Variants in CDH20 observed in about 807,000 individuals in gnomAD.
CDH20 encodes cadherin 20.
CDH20 carries 29 observed loss-of-function variants against 74.2 expected under a neutral mutation model. The ratio of observed to expected loss-of-function variants is 0.39; its 90% CI spans 0.29 to 0.53. CDH20 has a LOEUF of 0.53. Among genes scored for constraint, CDH20 ranks in the 20% least tolerant of loss-of-function variants. The pLI, the probability that CDH20 is intolerant of heterozygous loss-of-function variation, is 0.69. For synonymous variants in CDH20, 469 were observed against 405.4 expected (o/e 1.16, Z -1.88); for missense variants, 988 against 1,048.3 (o/e 0.94, Z 0.79).
intron 1 of CDH20, among the ~76,000 whole-genome samples, chr18:61,367,585 C>G (rs1910902997): frequency 6.6e-6 from 1 of 152,144 alleles, no homozygotes; most frequent in Admixed American, 6.5e-5. Flanking sequence ...TTCCTTGGCT[C>G]ATGGTCCCTT....
At chr18:61,407,442 C>T (rs1288834245) in intron 1 of CDH20, among the ~76,000 whole-genome samples, 1 of 152,128 alleles carries the variant, frequency 6.6e-6, no homozygotes, top group East Asian at 1.9e-4. Flanking sequence ...GAAGTCCTTC[C>T]TTCTATTTTC....
At chr18:61,496,614 C>T (rs1363047356) in intron 2 of CDH20, among the ~76,000 whole-genome samples, 1 of 152,126 alleles carries the variant, frequency 6.6e-6, no homozygotes, top group Non-Finnish European at 1.5e-5. Flanking sequence ...CTGTCGCTGT[C>T]GTTTCTTAAA....
At chr18:61,539,567 G>A (rs923036309) in intron 9 of CDH20, among the ~76,000 whole-genome samples, 2 of 152,194 alleles carry the variant, frequency 1.3e-5, no homozygotes, top group African/African-American at 4.8e-5. Flanking sequence ...AAACTGAATT[G>A]TGTAGCACCC....
rs191706524 is a variant in CDH20 at position 61,416,760 on chromosome 18, C to T, written c.-152-73642C>T. 2.6e-5 allele frequency among the ~76,000 whole-genome samples: 4 copies of T among 152,304 alleles called. No individual in the cohort carries two copies. In the East Asian group the frequency reaches 5.8e-4, roughly 22 times the overall value. On this transcript the variant is annotated intron_variant, in intron 1 of 11. Transcript: ENST00000262717. ...AAGGCTAGGCCTTACAGCCTTTTAGCTGGTACACTGCCACTACCAATAATG... is the reference window on the plus strand; with the variant it reads ...AAGGCTAGGCCTTACAGCCTTTTAGTTGGTACACTGCCACTACCAATAATG...
chr18:61,353,620 T>G lies in CDH20; in HGVS notation c.-153+19793T>G, dbSNP rs78942264. On this transcript the variant is annotated intron_variant, in intron 1 of 11. Coordinates refer to ENST00000262717, the MANE Select transcript of CDH20 (RefSeq NM_031891.4). This position sits in a 1 kb window ranked among gnomAD's most constrained non-coding sequence, Gnocchi z 4.6. ...TTTGTTAAGATTTTGTTCAGTTAAATTTAATGGACCCTCAAATGTAACGGA... is the reference window on the plus strand; with the variant it reads ...TTTGTTAAGATTTTGTTCAGTTAAAGTTAATGGACCCTCAAATGTAACGGA... Among the ~76,000 whole-genome samples the G allele has an allele frequency of 0.023, 3,483 of 152,320 alleles. 129 individuals are homozygous for G. Among genetic ancestry groups the G allele is most frequent in the African/African-American group, 0.08 (3,331 of 41,546 alleles).
chr18:61,453,780 T>G (rs1452032143), intron 1 of CDH20, among the ~76,000 whole-genome samples: 1 of 152,196 alleles, frequency 6.6e-6, no homozygotes, highest in East Asian at 1.9e-4. Context: ...TTCGTGTACA[T>G]ATTTTTGGGT....
intron 1 of CDH20, among the ~76,000 whole-genome samples, chr18:61,477,587 A>T (rs747048339): frequency 1.3e-5 from 2 of 152,206 alleles, no homozygotes; most frequent in African/African-American, 4.8e-5. Flanking sequence ...ATTCCGATGC[A>T]TGAGTATGTC....
At chr18:61,338,758 G>A (rs531446531) in intron 1 of CDH20, among the ~76,000 whole-genome samples, 3 of 152,198 alleles carry the variant, frequency 2.0e-5, no homozygotes, top group South Asian at 2.1e-4. Flanking sequence ...GGGTATCCTC[G>A]CTATTTATAA....
intron 6 of CDH20, among the ~76,000 whole-genome samples, chr18:61,524,362 G>A (rs982169874): frequency 3.9e-5 from 6 of 152,044 alleles, no homozygotes; most frequent in African/African-American, 1.4e-4. Context: ...ATACAAACTG[G>A]TACTGCCTTT....
chr18:61,483,215 C>T (rs1910648802), intron 1 of CDH20, among the ~76,000 whole-genome samples: 1 of 152,174 alleles, frequency 6.6e-6, no homozygotes, highest in South Asian at 2.1e-4. Flanking sequence ...GTGCTAAGCA[C>T]CTCTTGTACA....
At chr18:61,469,417 A>C (rs999703834) in intron 1 of CDH20, among the ~76,000 whole-genome samples, 3 of 151,838 alleles carry the variant, frequency 2.0e-5, no homozygotes, top group Non-Finnish European at 2.9e-5. Flanking sequence ...CTATATAAAT[A>C]ACATTATTTT....
intron 1 of CDH20, among the ~76,000 whole-genome samples, chr18:61,440,591 A>T (rs1908995452): frequency 6.6e-6 from 1 of 152,214 alleles, no homozygotes; most frequent in South Asian, 2.1e-4. Flanking sequence ...TTCTGGCCTC[A>T]GCTGGGTTCA....
At chr18:61,345,363 G>C (rs1032014018) in intron 1 of CDH20, among the ~76,000 whole-genome samples, 1 of 152,174 alleles carries the variant, frequency 6.6e-6, no homozygotes, top group Non-Finnish European at 1.5e-5. Flanking sequence ...TTGCCAAGAG[G>C]CAGGAGGCTT....
intron 10 of CDH20, among the ~76,000 whole-genome samples, chr18:61,546,465 T>C (rs1312066458): frequency 6.6e-6 from 1 of 152,230 alleles, no homozygotes; most frequent in Non-Finnish European, 1.5e-5. Flanking sequence ...AATACTTCAA[T>C]TAAATATCCT....
At chr18:61,400,336 G>A (rs1912116393) in intron 1 of CDH20, among the ~76,000 whole-genome samples, 1 of 152,230 alleles carries the variant, frequency 6.6e-6, no homozygotes, top group Non-Finnish European at 1.5e-5. Context: ...GCAAGGCAAA[G>A]TAGATACTGC....
chr18:61,381,420 G>A (rs140176630), intron 1 of CDH20, among the ~76,000 whole-genome samples: 1 of 152,248 alleles, frequency 6.6e-6, no homozygotes, highest in East Asian at 1.9e-4. Flanking sequence ...AGAAAATTTT[G>A]GAGTGGGTCT....
intron 1 of CDH20, among the ~76,000 whole-genome samples, chr18:61,413,557 T>C (rs1912583147): frequency 6.6e-6 from 1 of 152,182 alleles, no homozygotes; most frequent in African/African-American, 2.4e-5. Context: ...ATGGGTCTTT[T>C]ATTCCAGTGA....
intron 1 of CDH20, among the ~76,000 whole-genome samples, chr18:61,441,290 T>A (rs1180560336): frequency 6.6e-6 from 1 of 152,212 alleles, no homozygotes; most frequent in Non-Finnish European, 1.5e-5. Context: ...TCCAATCTAC[T>A]CAGTGGTGGT....
chr18:61,395,720 CAAA>C (rs1911940745), intron 1 of CDH20, among the ~76,000 whole-genome samples: 1 of 152,090 alleles, frequency 6.6e-6, no homozygotes. Flanking sequence ...TATATATTTT[CAAA>C]TACTCTCAAT....
Sources: gnomAD v4.1 joint callset for allele counts (sites outside exome capture counted in the v4.1 genomes callset) on GRCh38, gnomAD v4.1.1 for gene constraint, Gnocchi (gnomAD v3.1) non-coding constraint, MANE v1.5 for transcripts, NCBI Gene and HGNC (gene_info 2026-07-23, HGNC 2026-07-21) for gene names.